TFDP2: variants seen among roughly 807,000 people sequenced by gnomAD.
The protein encoded by TFDP2 is transcription factor Dp-2, also known as transcription factor Dp-2 (E2F dimerization partner 2).
In TFDP2, 17 loss-of-function variants were observed where a neutral mutation model predicts 59.3. The ratio of observed to expected loss-of-function variants is 0.29; its 90% CI spans 0.20 to 0.43. The LOEUF (loss-of-function observed/expected upper bound fraction) is 0.43, where lower values mean the gene tolerates loss of function less well. TFDP2 is among the 20% of genes least tolerant of loss of function. The pLI is 1.00. For missense variants in TFDP2, 391 were observed against 528.8 expected, an observed-to-expected ratio of 0.74 and a Z score of 2.56; for synonymous variants, 180 against 194.7, an observed-to-expected ratio of 0.92 and a Z score of 0.63.
intron 1 of TFDP2, among the ~76,000 whole-genome samples, chr3:142,145,876 CA>C (rs149737524): frequency 1.3e-5 from 2 of 152,090 alleles, no homozygotes; most frequent in Non-Finnish European, 2.9e-5. Context: ...AGGCAACTGT[CA>C]AAGTTCCTCA....
At chr3:141,962,191 G>T (rs1438595630) in intron 10 of TFDP2, among the ~76,000 whole-genome samples, 1 of 151,058 alleles carries the variant, frequency 6.6e-6, no homozygotes, top group East Asian at 1.9e-4. Context: ...TGATCTGCCT[G>T]CCTTGGCCTC....
In TFDP2 at chr3:141,947,396, T is replaced by G. The variant is rs1935366065; in HGVS notation, c.*5117A>C. 6.6e-6 allele frequency: 1 copy of G among 152,074 alleles called. No homozygotes were observed. The highest frequency in any genetic ancestry group is 1.5e-5 in the Non-Finnish European group (1 of 68,026). The allele number at this position is 152,074 out of a possible 1,614,324, so 9.4% of individuals were successfully genotyped here. A position where few individuals can be genotyped will look rare whatever the true frequency, so the allele number is the denominator to read the frequency against. On this transcript the variant is annotated 3_prime_UTR_variant, in exon 13 of 13. Coordinates refer to ENST00000489671, the MANE Select transcript of TFDP2 (RefSeq NM_001178139.2). ...AGAAACACGTAAAATAGTTCTCAAT[T>G]TCTAATCATTTTTCTTTCTTTCTTT...
chr3:142,124,073 C>T (rs1334680693), intron 1 of TFDP2, among the ~76,000 whole-genome samples: 1 of 151,924 alleles, frequency 6.6e-6, no homozygotes, highest in Non-Finnish European at 1.5e-5. Context: ...CAGGAAGAAA[C>T]TCAGCAAGAA....
intron 3 of TFDP2, among the ~76,000 whole-genome samples, chr3:142,026,153 A>G (rs1366783297): frequency 1.3e-5 from 2 of 152,136 alleles, no homozygotes; most frequent in African/African-American, 4.8e-5. Flanking sequence ...CAGGAGATTG[A>G]GACCATCCTG....
At chr3:142,007,985 T>C (rs778737045) in intron 3 of TFDP2, among the ~76,000 whole-genome samples, 2 of 152,170 alleles carry the variant, frequency 1.3e-5, no homozygotes, top group Non-Finnish European at 2.9e-5. Context: ...TGGTGGCCAG[T>C]TGGGGACCCC....
At chr3:141,969,457 G>A (rs1005570002) in intron 9 of TFDP2, among the ~76,000 whole-genome samples, 39 of 150,462 alleles carry the variant, frequency 2.6e-4, no homozygotes, top group Non-Finnish European at 4.7e-4. Context: ...CTAAAAATAC[G>A]AAAAAACTAG....
chr3:142,047,069 A>G (rs1947376901), intron 3 of TFDP2, among the ~76,000 whole-genome samples: 1 of 152,212 alleles, frequency 6.6e-6, no homozygotes, highest in Non-Finnish European at 1.5e-5. Flanking sequence ...GAGCATATTA[A>G]ATACAGTATA....
chr3:141,964,001 A>G (rs745781292), intron 9 of TFDP2, 38 bp from the exon 10 acceptor site: 2 of 1,575,230 alleles, frequency 1.3e-6, no homozygotes, highest in South Asian at 1.2e-5. Context: ...TCAATTGTGC[A>G]TAAGTGAGTT....
At chr3:141,970,004 A>C in intron 9 of TFDP2, 69 bp downstream of exon 9, 1 of 1,475,724 alleles carries the variant, frequency 6.8e-7, no homozygotes, top group East Asian at 2.3e-5. Flanking sequence ...CAATTAGAAA[A>C]CACACTGACT....
chr3:142,046,888 G>C (rs543743362), intron 3 of TFDP2, among the ~76,000 whole-genome samples: 3 of 152,146 alleles, frequency 2.0e-5, no homozygotes, highest in African/African-American at 4.8e-5. Context: ...CTAAATTCAG[G>C]CTTCCCCATT....
intron 9 of TFDP2, among the ~76,000 whole-genome samples, chr3:141,964,478 C>T (rs185571769): frequency 1.8e-4 from 28 of 152,224 alleles, no homozygotes; most frequent in Admixed American, 1.8e-3. Flanking sequence ...ATGGCAAAAC[C>T]CTATCTCTAC....
chr3:141,985,750 A>G (rs1250135847), intron 6 of TFDP2, among the ~76,000 whole-genome samples: 1 of 152,188 alleles, frequency 6.6e-6, no homozygotes, highest in Non-Finnish European at 1.5e-5. Context: ...AAGTAACACA[A>G]GAAAAAAATA....
intron 3 of TFDP2, among the ~76,000 whole-genome samples, chr3:142,035,748 A>G (rs542497817): frequency 2.0e-5 from 3 of 152,112 alleles, no homozygotes; most frequent in Non-Finnish European, 2.9e-5. Context: ...GCTGGTTACT[A>G]TAAGTGGGAG....
intron 6 of TFDP2, among the ~76,000 whole-genome samples, chr3:141,982,547 G>A (rs528889275): frequency 1.3e-3 from 194 of 152,274 alleles, no homozygotes; most frequent in South Asian, 2.1e-3. Context: ...GAAAAGCCAA[G>A]AGTGAAGCAG....
intron 1 of TFDP2, among the ~76,000 whole-genome samples, chr3:142,148,447 C>T (rs2063252317): frequency 6.6e-6 from 1 of 152,186 alleles, no homozygotes; most frequent in Admixed American, 6.5e-5. Flanking sequence ...GCATTTAATA[C>T]GTGGAGGATT....
In TFDP2 at chr3:142,076,585, G is replaced by A. The variant is rs373120137; in HGVS notation, c.82+16476C>T. Among the ~76,000 whole-genome samples the A allele has an allele frequency of 9.9e-5, 15 of 152,116 alleles. 1 individual carries two copies. Among genetic ancestry groups the A allele is most frequent in the East Asian group, 7.7e-4 (4 of 5,196 alleles). On this transcript the variant is annotated intron_variant, in intron 3 of 12. Coordinates refer to ENST00000489671, the MANE Select transcript of TFDP2 (RefSeq NM_001178139.2). Reference sequence around the variant, plus strand: ...CTTTAATCTTAGATTTATTGCAAACGATCTTCCCTATATATATAGATGAGG... The same window carrying A: ...CTTTAATCTTAGATTTATTGCAAACAATCTTCCCTATATATATAGATGAGG...
intron 1 of TFDP2, among the ~76,000 whole-genome samples, chr3:142,106,677 G>T (rs904223856): frequency 6.6e-6 from 1 of 152,142 alleles, no homozygotes; most frequent in African/African-American, 2.4e-5. Context: ...TCTTCTGTTA[G>T]TTAAAAAAAT....
chr3:142,020,638 C>T (rs1945515435), intron 3 of TFDP2, among the ~76,000 whole-genome samples: 1 of 150,794 alleles, frequency 6.6e-6, no homozygotes, highest in South Asian at 2.1e-4. Context: ...CTCTGACTTC[C>T]TTCATTTTTA....
intron 3 of TFDP2, among the ~76,000 whole-genome samples, chr3:142,070,517 C>A (rs988689297): frequency 2.0e-5 from 3 of 152,192 alleles, no homozygotes; most frequent in Non-Finnish European, 4.4e-5. Flanking sequence ...TGGGCTCAAA[C>A]AGTTCTCCAG....
Sources: gnomAD v4.1 joint callset for allele counts (sites outside exome capture counted in the v4.1 genomes callset) on GRCh38, gnomAD v4.1.1 for gene constraint, MANE v1.5 for transcripts, NCBI Gene and HGNC (gene_info 2026-07-23, HGNC 2026-07-21) for gene names.